Variants in ZFAT observed in about 807,000 individuals in gnomAD.
The protein encoded by ZFAT is zinc finger protein ZFAT.
A neutral mutation model predicts 117.7 loss-of-function variants in ZFAT; 64 were observed. That is an observed-to-expected ratio of 0.54 (90% CI 0.44 to 0.67). ZFAT has a LOEUF of 0.67. ZFAT is among the 30% of genes least tolerant of loss of function. ZFAT has a pLI of 0.00. For synonymous variants in ZFAT, 679 were observed against 615.0 expected (o/e 1.10, Z -1.54); for missense variants, 1,433 against 1,584.5 (o/e 0.90, Z 1.62).
chr8:134,507,170 T>A (rs562548445), intron 15 of ZFAT, among the ~76,000 whole-genome samples: 2 of 152,320 alleles, frequency 1.3e-5, no homozygotes, highest in East Asian at 3.9e-4. Flanking sequence ...TATAATTTCT[T>A]GACTGAAAAA....
intron 3 of ZFAT, among the ~76,000 whole-genome samples, chr8:134,618,774 G>T (rs968418345): frequency 6.6e-6 from 1 of 152,128 alleles, no homozygotes; most frequent in Non-Finnish European, 1.5e-5. Context: ...TGGAAATTAT[G>T]TACACACTAT....
At chr8:134,596,221 T>C (rs930773675) in intron 7 of ZFAT, among the ~76,000 whole-genome samples, 1 of 152,172 alleles carries the variant, frequency 6.6e-6, no homozygotes, top group African/African-American at 2.4e-5. Flanking sequence ...ACAATCACGC[T>C]ATCCCACTGG....
At chr8:134,759,970 CAA>C in the ZFAT span, among the ~76,000 whole-genome samples, 18 of 53,180 alleles carry the variant, frequency 3.4e-4, no homozygotes, top group Admixed American at 1.4e-3. Context: ...GACTCCGTCT[CAA>C]AAAAAAAAAA....
At chr8:134,608,931 C>A (rs752171200) in intron 4 of ZFAT, 52 bp from the exon 5 acceptor site, 3 of 1,565,946 alleles carry the variant, frequency 1.9e-6, no homozygotes, top group Non-Finnish European at 2.6e-6. Context: ...AAAGTGGGCA[C>A]TGACCCCATC....
chr8:134,665,432 G>A lies in ZFAT; in HGVS notation c.20-7695C>T, dbSNP rs150215009. On this transcript the variant is annotated intron_variant, in intron 1 of 15. Transcript: ENST00000377838. Reference sequence around the variant, plus strand: ...CAGAATGCTCTGTTACCCCGCACATGAGGCAGAGTGTCCTCCTCCTGCTGC... The same window carrying A: ...CAGAATGCTCTGTTACCCCGCACATAAGGCAGAGTGTCCTCCTCCTGCTGC... Among the ~76,000 whole-genome samples, 10 of 152,356 alleles carry A rather than the reference G, an allele frequency of 6.6e-5. 1 individual carries two copies. The highest frequency in any genetic ancestry group is 2.4e-4 in the African/African-American group (10 of 41,574).
the ZFAT span, among the ~76,000 whole-genome samples, chr8:134,734,341 G>A: frequency 1.3e-5 from 2 of 152,218 alleles, no homozygotes; most frequent in Non-Finnish European, 2.9e-5. Flanking sequence ...ATACCCTTGT[G>A]ACCAGTCTTT....
intron 11 of ZFAT, among the ~76,000 whole-genome samples, chr8:134,558,044 C>T (rs536329626): frequency 3.3e-5 from 5 of 152,290 alleles, no homozygotes; most frequent in South Asian, 4.1e-4. Flanking sequence ...CAAGGATCCT[C>T]GGTTGGGCTC....
chr8:134,658,770 T>C (rs1229721331), intron 1 of ZFAT, among the ~76,000 whole-genome samples: 1 of 152,234 alleles, frequency 6.6e-6, no homozygotes, highest in Non-Finnish European at 1.5e-5. Flanking sequence ...CTTTGTCCAC[T>C]GAAAAGGACA....
chr8:134,748,969 C>A, the ZFAT span, among the ~76,000 whole-genome samples: 1 of 151,336 alleles, frequency 6.6e-6, no homozygotes, highest in Non-Finnish European at 1.5e-5. Flanking sequence ...CCCTTTTAAC[C>A]TATTTCTTGT....
intron 12 of ZFAT, among the ~76,000 whole-genome samples, chr8:134,525,449 A>C (rs1055093418): frequency 3.3e-5 from 5 of 152,202 alleles, no homozygotes; most frequent in African/African-American, 1.2e-4. Flanking sequence ...TCGGGAAGAA[A>C]TGGAGGAATT....
At chr8:134,751,893 C>G in the ZFAT span, among the ~76,000 whole-genome samples, 34 of 152,306 alleles carry the variant, frequency 2.2e-4, no homozygotes, top group African/African-American at 7.2e-4. Flanking sequence ...AGACCATTTC[C>G]CTCGATACAC....
chr8:134,696,482 C>G (rs927987703), intron 1 of ZFAT: 3 of 985,540 alleles, frequency 3.0e-6, no homozygotes, highest in Non-Finnish European at 2.4e-6. Context: ...GCGCCTCCGC[C>G]GCTTCCCACG....
At chr8:134,728,294 A>G in the ZFAT span, among the ~76,000 whole-genome samples, 1 of 152,012 alleles carries the variant, frequency 6.6e-6, no homozygotes, top group Admixed American at 6.6e-5. Flanking sequence ...GCTAGGTAGC[A>G]TGTACAGGGA....
At chr8:134,533,849 C>T (rs972202285) in intron 11 of ZFAT, among the ~76,000 whole-genome samples, 2 of 152,150 alleles carry the variant, frequency 1.3e-5, no homozygotes, top group Non-Finnish European at 2.9e-5. Flanking sequence ...TTTGGCTGGT[C>T]GACGGATGGG....
intron 2 of ZFAT, among the ~76,000 whole-genome samples, chr8:134,642,602 C>G (rs1201645410): frequency 1.3e-5 from 2 of 152,200 alleles, no homozygotes; most frequent in African/African-American, 4.8e-5. Context: ...CTCATTCATT[C>G]TGACTCAATA....
chr8:134,793,511 C>G, the ZFAT span: 1 of 152,220 alleles, frequency 6.6e-6, no homozygotes, highest in East Asian at 1.9e-4. Context: ...ACTGTTCCAC[C>G]TCAACTCATC....
the ZFAT span, among the ~76,000 whole-genome samples, chr8:134,755,817 C>CAAAAAAAAAAAAAAAAAAAAAAAAA: frequency 3.3e-5 from 3 of 89,988 alleles, no homozygotes; most frequent in Non-Finnish European, 4.3e-5. Context: ...GACTCCATCT[C>CAAAAAAAAAAAAAAAAAAAAAAAAA]AAAAAAAAAA....
intron 15 of ZFAT, among the ~76,000 whole-genome samples, chr8:134,482,327 T>C (rs1306496677): frequency 5.3e-5 from 8 of 152,154 alleles, no homozygotes; most frequent in African/African-American, 1.9e-4. Flanking sequence ...GAGAAGGCAT[T>C]TGGGGCAGAA....
intron 11 of ZFAT, among the ~76,000 whole-genome samples, chr8:134,549,497 G>A (rs1200172869): frequency 1.3e-5 from 2 of 151,834 alleles, no homozygotes; most frequent in South Asian, 2.1e-4. Flanking sequence ...ATCCCCAGAG[G>A]CTGCTCAGTG....
Sources: gnomAD v4.1 joint callset for allele counts (sites outside exome capture counted in the v4.1 genomes callset) on GRCh38, gnomAD v4.1.1 for gene constraint, MANE v1.5 for transcripts, NCBI Gene and HGNC (gene_info 2026-07-23, HGNC 2026-07-21) for gene names.